Variants in PTPRD observed in about 807,000 individuals in gnomAD.
The protein encoded by PTPRD is protein tyrosine phosphatase receptor type D, also known as receptor-type tyrosine-protein phosphatase delta.
Under a neutral mutation model 214.5 loss-of-function variants are expected in PTPRD, and 34 were observed. That is an observed-to-expected ratio of 0.16 (90% CI 0.12 to 0.21). The LOEUF (loss-of-function observed/expected upper bound fraction) is 0.21. Ranked by LOEUF, PTPRD falls within the 10% of genes least tolerant of loss-of-function variation. PTPRD has a pLI of 1.00. For missense variants in PTPRD, 2,545 were observed against 2,398.7 expected (o/e 1.06, Z -1.27); for synonymous variants, 1,128 against 845.7 (o/e 1.33, Z -5.79).
intron 2 of PTPRD, among the ~76,000 whole-genome samples, chr9:10,467,076 C>G (rs1367870934): frequency 6.6e-6 from 1 of 152,170 alleles, no homozygotes; most frequent in Non-Finnish European, 1.5e-5. Flanking sequence ...TGTGACTACC[C>G]TCACTCAGAA....
chr9:9,395,126 C>T (rs537692500), intron 9 of PTPRD, among the ~76,000 whole-genome samples: 16 of 151,754 alleles, frequency 1.1e-4, no homozygotes, highest in Admixed American at 8.6e-4. Context: ...CCTTCCTCCC[C>T]TCATCCATAG....
chr9:9,728,261 C>G (rs1403830774), intron 7 of PTPRD, among the ~76,000 whole-genome samples: 1 of 152,148 alleles, frequency 6.6e-6, no homozygotes. Context: ...AGAGTGAAAA[C>G]AAACTAATAC....
chr9:8,485,017 G>A (rs1298380064), intron 29 of PTPRD, among the ~76,000 whole-genome samples: 2 of 152,200 alleles, frequency 1.3e-5, no homozygotes, highest in African/African-American at 2.4e-5. Flanking sequence ...AGTGATGCCA[G>A]CCCTGGATTT....
Position 9,005,527 on chromosome 9 carries a change from T to A in PTPRD, c.-104+13170A>T, listed in dbSNP as rs141582715. Among the ~76,000 whole-genome samples the A allele has an allele frequency of 3.7e-3, 561 of 152,138 alleles. 2 individuals are homozygous for A. Among genetic ancestry groups the A allele is most frequent in the African/African-American group, 0.012 (517 of 41,540 alleles). ...TGCATCCTGAATGAACCACCCAACT[T>A]TCACAGATCATTTAAAAAGGGGCCT... On this transcript the variant is annotated intron_variant, in intron 11 of 45. Coordinates refer to ENST00000381196, the MANE Select transcript of PTPRD (RefSeq NM_002839.4).
intron 9 of PTPRD, among the ~76,000 whole-genome samples, chr9:9,213,359 C>G (rs772419917): frequency 3.9e-5 from 6 of 152,120 alleles, no homozygotes; most frequent in Non-Finnish European, 8.8e-5. Context: ...GCATAGACAT[C>G]AACGAAAGTT....
intron 11 of PTPRD, among the ~76,000 whole-genome samples, chr9:8,963,405 T>C (rs1021492968): frequency 1.6e-4 from 24 of 152,158 alleles, no homozygotes; most frequent in African/African-American, 5.5e-4. Context: ...ATTACATTTA[T>C]ACATGTTTTA....
At chr9:9,914,670 C>A (rs2080188484) in intron 5 of PTPRD, among the ~76,000 whole-genome samples, 1 of 152,132 alleles carries the variant, frequency 6.6e-6, no homozygotes, top group African/African-American at 2.4e-5. Context: ...CCCAGACCAG[C>A]CAAGAGAGCA....
intron 4 of PTPRD, among the ~76,000 whole-genome samples, chr9:9,998,129 A>AAAAAAAAAAATATATATAT (rs57991748): frequency 1.1e-5 from 1 of 91,490 alleles, no homozygotes; most frequent in Admixed American, 1.2e-4. Context: ...AAAAAAAAAA[A>AAAAAAAAAAATATATATAT]ATATATATAT....
chr9:10,312,094 C>T lies in PTPRD; in HGVS notation c.-545+28869G>A, dbSNP rs151194041. 5.3e-3 allele frequency among the ~76,000 whole-genome samples: 802 copies of T among 151,966 alleles called. 4 individuals carry two copies. Among genetic ancestry groups the T allele is most frequent in the Non-Finnish European group, 6.5e-3 (441 of 67,900 alleles). Reference sequence around the variant, plus strand: ...GGCTACTTAAAAAAATAAAAACAACCAGAGTCCAGTGAGATGGAATATAGT... The same window carrying T: ...GGCTACTTAAAAAAATAAAAACAACTAGAGTCCAGTGAGATGGAATATAGT... On this transcript the variant is annotated intron_variant, in intron 3 of 45. Transcript: ENST00000381196.
chr9:8,804,800 C>G (rs2096643120), intron 11 of PTPRD, among the ~76,000 whole-genome samples: 1 of 152,152 alleles, frequency 6.6e-6, no homozygotes, highest in Admixed American at 6.5e-5. Flanking sequence ...GATCCCTAGC[C>G]ACAAGGACTT....
chr9:10,315,839 G>A (rs931619613), intron 3 of PTPRD, among the ~76,000 whole-genome samples: 1 of 151,890 alleles, frequency 6.6e-6, no homozygotes, highest in Non-Finnish European at 1.5e-5. Context: ...TCATTTGTTA[G>A]TTGGTGGCTT....
chr9:8,689,192 TG>T, intron 12 of PTPRD, among the ~76,000 whole-genome samples: 1 of 152,310 alleles, frequency 6.6e-6, no homozygotes, highest in African/African-American at 2.4e-5. Flanking sequence ...CACCTCTAAT[TG>T]ATACCAATAT....
intron 10 of PTPRD, among the ~76,000 whole-genome samples, chr9:9,053,483 T>G (rs2099690365): frequency 6.6e-6 from 1 of 152,066 alleles, no homozygotes; most frequent in African/African-American, 2.4e-5. Flanking sequence ...GCTGATGTAT[T>G]TTGAATTTCC....
In PTPRD at chr9:8,399,804, G is replaced by A. The variant is rs191411832; in HGVS notation, c.4210+4733C>T. ...ATTTCAAAAGCCGCTCTGGGCCTGC[G>A]TAGACTAATGGGAAGAACAGCTGCC... is the stretch of plus-strand genomic sequence containing the variant. On this transcript the variant is annotated intron_variant, in intron 36 of 45. Transcript: ENST00000381196. 1.8e-3 allele frequency among the ~76,000 whole-genome samples: 278 copies of A among 152,294 alleles called. 1 individual carries two copies. Among genetic ancestry groups the A allele is most frequent in the Middle Eastern group, 3.4e-3 (1 of 294 alleles).
At chr9:9,541,849 A>G (rs988038806) in intron 8 of PTPRD, among the ~76,000 whole-genome samples, 21 of 151,818 alleles carry the variant, frequency 1.4e-4, no homozygotes, top group African/African-American at 3.6e-4. Context: ...TGTATTTTGG[A>G]CTTTCACTGA....
At chr9:9,970,380 G>A (rs1298561617) in intron 4 of PTPRD, among the ~76,000 whole-genome samples, 2 of 148,464 alleles carry the variant, frequency 1.3e-5, no homozygotes, top group Admixed American at 1.3e-4. Context: ...AACCCGGGAG[G>A]CGGAGCTTGC....
At chr9:8,972,904 A>G (rs1368678) in intron 11 of PTPRD, among the ~76,000 whole-genome samples, 77,859 of 151,296 alleles carry the variant, frequency 0.51, 20,421 homozygotes, top group East Asian at 0.76. Flanking sequence ...CTTGTTTTTG[A>G]GTGGATCAAT....
chr9:9,704,906 C>G (rs931083813), intron 7 of PTPRD, among the ~76,000 whole-genome samples: 1 of 152,150 alleles, frequency 6.6e-6, no homozygotes, highest in South Asian at 2.1e-4. Flanking sequence ...AATCACTCAA[C>G]TGAGGCCTGT....
chr9:8,931,145 G>GTA (rs972590902), intron 11 of PTPRD, among the ~76,000 whole-genome samples: 2 of 151,928 alleles, frequency 1.3e-5, no homozygotes, highest in African/African-American at 4.8e-5. Flanking sequence ...TGTATAAGGT[G>GTA]TAAGGAAGGG....
Sources: gnomAD v4.1 joint callset for allele counts (sites outside exome capture counted in the v4.1 genomes callset) on GRCh38, gnomAD v4.1.1 for gene constraint, MANE v1.5 for transcripts, NCBI Gene and HGNC (gene_info 2026-07-23, HGNC 2026-07-21) for gene names.